The following PRKG1 variants were observed in gnomAD, a reference collection of about 807,000 sequenced individuals.
PRKG1 encodes cGMP-dependent protein kinase 1.
In PRKG1, 35 loss-of-function variants were observed where a neutral mutation model predicts 88.1. The observed-to-expected ratio is 0.40, with a 90% CI of 0.30 to 0.53. The LOEUF (loss-of-function observed/expected upper bound fraction) is 0.53. PRKG1 is among the 20% of genes least tolerant of loss of function. The probability of loss-of-function intolerance (pLI) is 0.59; values close to 1 mark genes in which losing one functional copy is unlikely to be tolerated. For synonymous variants in PRKG1, 303 were observed against 292.5 expected (o/e 1.04, Z -0.37); for missense variants, 540 against 839.8 (o/e 0.64, Z 4.41).
intron 3 of PRKG1, among the ~76,000 whole-genome samples, chr10:51,726,828 G>A (rs1378658959): frequency 6.6e-6 from 1 of 152,164 alleles, no homozygotes; most frequent in Non-Finnish European, 1.5e-5. Context: ...CCAGGCTGGA[G>A]TGCAGTGGCA....
chr10:51,541,206 C>G lies in PRKG1; in HGVS notation c.592+73370C>G, dbSNP rs541237167. On this transcript the variant is annotated intron_variant, in intron 3 of 17. Coordinates refer to ENST00000373980, the MANE Select transcript of PRKG1 (RefSeq NM_006258.4). Reference sequence around the variant, plus strand: ...GTTGGTCTCATAAGGAACATGCTACCTAGATCCCTCACATGCACAGTTCAC... The same window carrying G: ...GTTGGTCTCATAAGGAACATGCTACGTAGATCCCTCACATGCACAGTTCAC... 5.5e-4 allele frequency among the ~76,000 whole-genome samples: 83 copies of G among 152,248 alleles called. 1 individual carries two copies. The Middle Eastern group carries it at 0.014, about 25-fold the overall frequency.
intron 2 of PRKG1, among the ~76,000 whole-genome samples, chr10:51,390,369 G>C (rs138175442): frequency 9.4e-4 from 143 of 152,202 alleles, no homozygotes; most frequent in Middle Eastern, 3.4e-3. Flanking sequence ...CATGACATGC[G>C]TATATTCATA....
chr10:52,093,724 G>A (rs1449462068), intron 7 of PRKG1, among the ~76,000 whole-genome samples: 1 of 152,084 alleles, frequency 6.6e-6, no homozygotes, highest in African/African-American at 2.4e-5. Context: ...TGTTAGTGTA[G>A]GTGTTGCCTT....
At chr10:51,003,270 T>C (rs1394724836) in intron 1 of PRKG1, among the ~76,000 whole-genome samples, 1 of 152,184 alleles carries the variant, frequency 6.6e-6, no homozygotes, top group Non-Finnish European at 1.5e-5. Flanking sequence ...TATCTTTTAT[T>C]TTCTCTGATC....
intron 1 of PRKG1, among the ~76,000 whole-genome samples, chr10:51,042,516 CT>C (rs1420374640): frequency 2.7e-4 from 41 of 152,180 alleles, no homozygotes; most frequent in African/African-American, 8.9e-4. Flanking sequence ...GTTACTTAAC[CT>C]TTCCAAGTTT....
At chr10:51,715,833 G>A (rs113598076) in intron 3 of PRKG1, among the ~76,000 whole-genome samples, 17,269 of 152,190 alleles carry the variant, frequency 0.11, 1,178 homozygotes, top group African/African-American at 0.19. Context: ...TACTAAATTT[G>A]ATGATGTCCA....
chr10:51,965,383 T>G (rs1412847949), intron 5 of PRKG1, among the ~76,000 whole-genome samples: 1 of 152,160 alleles, frequency 6.6e-6, no homozygotes, highest in Non-Finnish European at 1.5e-5. Flanking sequence ...GGCCTCCAGC[T>G]CCATCCATGG....
intron 4 of PRKG1, among the ~76,000 whole-genome samples, chr10:51,845,890 A>G (rs1840385379): frequency 6.6e-6 from 1 of 152,070 alleles, no homozygotes; most frequent in Non-Finnish European, 1.5e-5. Flanking sequence ...TCCTTTACTG[A>G]AAGTTATTTA....
intron 7 of PRKG1, among the ~76,000 whole-genome samples, chr10:52,109,830 A>G (rs2132586211): frequency 6.6e-6 from 1 of 151,960 alleles, no homozygotes; most frequent in South Asian, 2.1e-4. Flanking sequence ...TAATAATATC[A>G]CTGCCTTACA....
At chr10:51,447,334 T>G (rs1021371040) in intron 2 of PRKG1, among the ~76,000 whole-genome samples, 1 of 152,014 alleles carries the variant, frequency 6.6e-6, no homozygotes, top group African/African-American at 2.4e-5. Context: ...GACTGTATAT[T>G]CAGCTGACCA....
chr10:51,378,120 C>A (rs151130082), intron 2 of PRKG1, among the ~76,000 whole-genome samples: 1 of 152,320 alleles, frequency 6.6e-6, no homozygotes, highest in African/African-American at 2.4e-5. Context: ...ATCCTTTCCT[C>A]TAGTCTGCAA....
chr10:51,604,175 A>G (rs540530049), intron 3 of PRKG1, among the ~76,000 whole-genome samples: 6 of 147,676 alleles, frequency 4.1e-5, no homozygotes, highest in Non-Finnish European at 7.4e-5. Context: ...TGCTAAATTT[A>G]TTTATATTCT....
At chr10:51,159,689 A>AATAAC (rs1846312645) in intron 2 of PRKG1, among the ~76,000 whole-genome samples, 1 of 152,146 alleles carries the variant, frequency 6.6e-6, no homozygotes, top group African/African-American at 2.4e-5. Flanking sequence ...GCCATGCTTC[A>AATAAC]GAAAGGACTT....
chr10:51,517,980 C>G (rs1201763634), intron 3 of PRKG1, among the ~76,000 whole-genome samples: 1 of 152,162 alleles, frequency 6.6e-6, no homozygotes, highest in Non-Finnish European at 1.5e-5. Context: ...GCAAGGGTTA[C>G]TTCCTACTTA....
intron 2 of PRKG1, among the ~76,000 whole-genome samples, chr10:51,201,772 G>A (rs1446698912): frequency 6.6e-6 from 1 of 152,176 alleles, no homozygotes; most frequent in African/African-American, 2.4e-5. Context: ...CAACCTGCAA[G>A]AGTCCTCACC....
At chr10:51,141,381 G>C (rs11591931) in intron 1 of PRKG1, among the ~76,000 whole-genome samples, 52,070 of 152,006 alleles carry the variant, frequency 0.34, 10,119 homozygotes, top group East Asian at 0.46. Context: ...TTTCACAAAG[G>C]ATACATTTTT....
chr10:51,042,225 C>A (rs547536495), intron 1 of PRKG1, among the ~76,000 whole-genome samples: 13 of 152,246 alleles, frequency 8.5e-5, no homozygotes, highest in Admixed American at 7.9e-4. Context: ...GATTAAAAAA[C>A]CCCTGGTAAC....
At chr10:52,170,217 AAAG>A (rs1457062291) in intron 9 of PRKG1, among the ~76,000 whole-genome samples, 1 of 152,222 alleles carries the variant, frequency 6.6e-6, no homozygotes. Flanking sequence ...GGACACTAAG[AAAG>A]AAGGCCCAAA....
intron 3 of PRKG1, among the ~76,000 whole-genome samples, chr10:51,514,349 G>A (rs1409353): frequency 0.24 from 36,792 of 152,022 alleles, 4,860 homozygotes; most frequent in Admixed American, 0.32. Context: ...AATTTCTTGA[G>A]CTTTATACTT....
Sources: gnomAD v4.1 joint callset for allele counts (sites outside exome capture counted in the v4.1 genomes callset) on GRCh38, gnomAD v4.1.1 for gene constraint, MANE v1.5 for transcripts, NCBI Gene and HGNC (gene_info 2026-07-23, HGNC 2026-07-21) for gene names.